Variants in MACF1 observed in about 807,000 individuals in gnomAD.
MACF1 encodes microtubule actin crosslinking factor 1, also known as microtubule-actin cross-linking factor 1.
Under a neutral mutation model 854.8 loss-of-function variants are expected in MACF1, and 193 were observed. The observed-to-expected ratio is 0.23, with a 90% confidence interval of 0.20 to 0.25. The LOEUF is 0.25. Among genes scored for constraint, MACF1 ranks in the 10% least tolerant of loss-of-function variants. MACF1 has a pLI of 1.00. For synonymous variants in MACF1, 3,185 were observed against 3,226.7 expected (o/e 0.99, Z 0.44); for missense variants, 7,722 against 8,929.1 (o/e 0.86, Z 5.45).
At chr1:39,316,834 A>T (rs1271574634) in intron 28 of MACF1, among the ~76,000 whole-genome samples, 1 of 152,164 alleles carries the variant, frequency 6.6e-6, no homozygotes, top group Non-Finnish European at 1.5e-5. Context: ...CTTAGCTGTT[A>T]TCTAATTTGA....
At chr1:39,440,111 C>CTTTTCTTTTCTTTTTT (rs1553414036) in intron 72 of MACF1, among the ~76,000 whole-genome samples, 35 of 64,508 alleles carry the variant, frequency 5.4e-4, no homozygotes, top group African/African-American at 1.4e-3. Context: ...CTTTTCTTTT[C>CTTTTCTTTTCTTTTTT]TTTTTTTTTT....
At chr1:39,206,126 T>C (rs1644447447) in intron 1 of MACF1, among the ~76,000 whole-genome samples, 1 of 152,204 alleles carries the variant, frequency 6.6e-6, no homozygotes, top group Non-Finnish European at 1.5e-5. Flanking sequence ...CCTGACAGAA[T>C]TAGAATTAGA....
chr1:39,159,839 G>A (rs1293687059), intron 2 of MACF1, among the ~76,000 whole-genome samples: 1 of 151,974 alleles, frequency 6.6e-6, no homozygotes, highest in African/African-American at 2.4e-5. Flanking sequence ...AGAGTGGGAG[G>A]GGGTAGAGGG....
intron 40 of MACF1, among the ~76,000 whole-genome samples, chr1:39,342,126 A>C (rs1277951422): frequency 7.5e-6 from 1 of 134,022 alleles, no homozygotes; most frequent in African/African-American, 2.9e-5. Context: ...TTTGGCTTCC[A>C]CTTATAAGTG....
chr1:39,255,711 C>T (rs1185312763), intron 5 of MACF1, among the ~76,000 whole-genome samples: 1 of 152,116 alleles, frequency 6.6e-6, no homozygotes, highest in Non-Finnish European at 1.5e-5. Context: ...CCTCAGTTGG[C>T]ACTTAATAAA....
At position 39,208,984 on chromosome 1, in the gene MACF1, G is replaced by A. The variant is rs1172473361; in HGVS notation, c.109+3853G>A. Among the ~76,000 whole-genome samples the A allele has an allele frequency of 9.2e-5, 14 of 151,800 alleles. No homozygotes were observed. In the South Asian group the frequency reaches 2.5e-3, roughly 27 times the overall value. On this transcript the variant is annotated intron_variant, in intron 1 of 100. Coordinates refer to ENST00000564288, the MANE Select transcript of MACF1 (RefSeq NM_001394062.1). ...TCAGTAAATATGGCCGTGCGCAGTG[G>A]CTCACACCTGTAATCCCAGCACTTT...
At chr1:39,233,028 GT>G (rs1644802434) in intron 2 of MACF1, among the ~76,000 whole-genome samples, 68 of 84,944 alleles carry the variant, frequency 8.0e-4, no homozygotes, top group East Asian at 2.2e-3. Context: ...TGTTGTTGTT[GT>G]TGTGTTTTGT....
At chr1:39,410,678 C>T (rs1642952580) in intron 58 of MACF1, 1 of 1,613,682 alleles carries the variant, frequency 6.2e-7, no homozygotes, top group African/African-American at 1.3e-5. Flanking sequence ...TCCTTCATGC[C>T]ACCCAACTTC....
At position 39,287,374 on chromosome 1, in the gene MACF1, G is replaced by T. The variant is rs1571270625; in HGVS notation, c.1597G>T (p.Val533Phe). The T allele has an allele frequency of 6.2e-7, 1 of 1,614,012 alleles. No homozygotes were observed. Among genetic ancestry groups the T allele is most frequent in the Non-Finnish European group, 8.5e-7 (1 of 1,180,008 alleles). ...RKGHFTSLEL[V>F]PPSTLTTTHL... ...GGGTCATTTCACTTCACTTGAATTG[G>T]TTCCACCCTCTACTTTAACCACCAC... The change falls in exon 15 of 101, where the codon GTT becomes TTT. Residue 533 changes from valine to phenylalanine, a missense_variant. Physicochemically the swap from Val to Phe is conservative, Grantham distance 50. Transcript: ENST00000564288.
At chr1:39,388,694 T>A (rs746668953) in intron 58 of MACF1, 36 bp downstream of exon 58, 1 of 1,500,490 alleles carries the variant, frequency 6.7e-7, no homozygotes, top group South Asian at 1.3e-5. Flanking sequence ...TTCTTTTACA[T>A]GTATTTATTT....
chr1:39,318,658 A>T, intron 30 of MACF1, 43 bp downstream of exon 30: 1 of 1,517,632 alleles, frequency 6.6e-7, no homozygotes, highest in Non-Finnish European at 8.8e-7. Flanking sequence ...TAGAAATTTA[A>T]ATTTTCTTTA....
At chr1:39,138,560 A>G (rs1270513112) in intron 2 of MACF1, among the ~76,000 whole-genome samples, 2 of 150,980 alleles carry the variant, frequency 1.3e-5, no homozygotes, top group Non-Finnish European at 1.5e-5. Context: ...ACTCCAGCCT[A>G]GGCGACAGAG....
At chr1:39,163,118 C>T (rs1254930483) in intron 2 of MACF1, among the ~76,000 whole-genome samples, 4 of 151,906 alleles carry the variant, frequency 2.6e-5, no homozygotes, top group Non-Finnish European at 4.4e-5. Flanking sequence ...TTTGGGACGC[C>T]GAGGCTGGCG....
At chr1:39,196,278 A>G (rs1315638716) in intron 2 of MACF1, among the ~76,000 whole-genome samples, 1 of 152,238 alleles carries the variant, frequency 6.6e-6, no homozygotes, top group Non-Finnish European at 1.5e-5. Flanking sequence ...AGCAATAAAT[A>G]TGGAGATTTT....
In MACF1 at chr1:39,442,902, T is replaced by C; in HGVS notation, c.19293T>C (p.Thr6431=). The change falls in exon 78 of 101, where the codon ACT becomes ACC. Residue 6431 remains threonine (T), a synonymous_variant. Transcript: ENST00000564288. The part of the protein sequence containing the change: ...TEEREQQLQS[T]LQQAQGFHSE... ...AGAGGGAGCAGCAGCTTCAGTCAAC[T>C]CTGCAGCAGGTACATGTGACATCCA... The C allele has an allele frequency of 6.2e-7, 1 of 1,613,502 alleles. No individual in the cohort carries two copies.
intron 2 of MACF1, among the ~76,000 whole-genome samples, chr1:39,168,615 G>A (rs1002983228): frequency 3.9e-5 from 6 of 152,176 alleles, no homozygotes; most frequent in Admixed American, 2.6e-4. Flanking sequence ...TTACAGGCGT[G>A]AGCCACTGCG....
chr1:39,411,160 T>C (rs1239750183), intron 58 of MACF1: 10 of 1,613,710 alleles, frequency 6.2e-6, no homozygotes, highest in Non-Finnish European at 7.6e-6. Flanking sequence ...TGAAGAGCTG[T>C]TAGATCCAGA....
chr1:39,333,155 A>G lies in MACF1; in HGVS notation c.6567A>G (p.Gly2189=), dbSNP rs1228200030. ...AATATATTCATGATGAAACTGGAGG[A>G]TCTCACATAAAACCCCAAAGCAAAA... ...ETEYIHDETG[G]SHIKPQSKKL... is the part of the protein sequence containing the mutation. Residue 2189 remains glycine, a synonymous_variant, in exon 37 of 101, where the codon GGA becomes GGG. Coordinates refer to ENST00000564288, the MANE Select transcript of MACF1 (RefSeq NM_001394062.1). The G allele has an allele frequency of 1.9e-6, 3 of 1,613,834 alleles. No homozygotes were observed. Among genetic ancestry groups the G allele is most frequent in the Non-Finnish European group, 2.5e-6 (3 of 1,180,020 alleles).
chr1:39,156,012 C>T (rs919267176), intron 2 of MACF1, among the ~76,000 whole-genome samples: 6 of 152,186 alleles, frequency 3.9e-5, no homozygotes, highest in Non-Finnish European at 7.3e-5. Flanking sequence ...CTCAGCCTCC[C>T]AAGTATCTGG....
Sources: allele counts gnomAD v4.1 joint callset (sites outside exome capture counted in the v4.1 genomes callset), GRCh38; gene constraint gnomAD v4.1.1; transcripts MANE v1.5; gene names NCBI Gene and HGNC (gene_info 2026-07-23, HGNC 2026-07-21).